The following ROBO2 variants were observed in gnomAD, a reference collection of about 807,000 sequenced individuals.
ROBO2 encodes the protein roundabout homolog 2.
In ROBO2, 53 loss-of-function variants were observed where a neutral mutation model predicts 160.8. The observed-to-expected ratio is 0.33, with a 90% CI of 0.26 to 0.41. The LOEUF (loss-of-function observed/expected upper bound fraction) is 0.41, where lower values mean the gene tolerates loss of function less well. Among genes scored for constraint, ROBO2 ranks in the 10% least tolerant of loss-of-function variants. ROBO2 has a pLI of 1.00. For synonymous variants in ROBO2, 664 were observed against 611.7 expected (o/e 1.09, Z -1.26); for missense variants, 1,577 against 1,722.4 (o/e 0.92, Z 1.49).
chr3:76,995,705 T>C (rs1358219153), intron 2 of ROBO2, among the ~76,000 whole-genome samples: 2 of 152,226 alleles, frequency 1.3e-5, no homozygotes, highest in Non-Finnish European at 2.9e-5. Context: ...TGGCCAGTGA[T>C]GATGAGCATT....
chr3:76,557,838 A>T (rs1037244077), intron 2 of ROBO2, among the ~76,000 whole-genome samples: 5 of 151,380 alleles, frequency 3.3e-5, no homozygotes, highest in African/African-American at 1.2e-4. Flanking sequence ...TTATTATATC[A>T]TGTGCCTTCC....
chr3:76,580,344 T>G lies in ROBO2; in HGVS notation c.110-517670T>G, dbSNP rs1560183383. Among the ~76,000 whole-genome samples, 29 of 6,570 alleles carry G rather than the reference T, an allele frequency of 4.4e-3. 2 individuals are homozygous for G. Among genetic ancestry groups the G allele is most frequent in the Middle Eastern group, 0.12 (1 of 8 alleles). 4.3% of individuals were successfully genotyped at this position (6,570 alleles called of 152,430 possible). On this transcript the variant is annotated intron_variant, in intron 2 of 26. Transcript: ENST00000487694. ...TTTTTTTTTGTTTTTTTTTTTGTGT[T>G]TTTTTTTTTGTTTTTTTTTTTGGTT...
intron 2 of ROBO2, among the ~76,000 whole-genome samples, chr3:76,217,078 T>G (rs1703590457): frequency 6.6e-6 from 1 of 151,960 alleles, no homozygotes; most frequent in African/African-American, 2.4e-5. Flanking sequence ...CATAACGAAA[T>G]GAAGGCAGAA....
intron 2 of ROBO2, among the ~76,000 whole-genome samples, chr3:76,192,005 A>G (rs1702027568): frequency 6.6e-6 from 1 of 152,104 alleles, no homozygotes; most frequent in African/African-American, 2.4e-5. Context: ...ATTGGACTAT[A>G]GATTGCAATC....
At chr3:77,098,212 G>A (rs761980032) in exon 2 of ROBO2, 2 of 1,614,194 alleles carry the variant, frequency 1.2e-6, no homozygotes, top group Non-Finnish European at 1.7e-6. Context: ...CTTCTGCCCA[G>A]CGGATCCTTA....
intron 2 of ROBO2, among the ~76,000 whole-genome samples, chr3:76,693,428 GATACACACTCTATATATGTGTATATAT>G (rs2092855185): frequency 6.8e-6 from 1 of 146,264 alleles, no homozygotes; most frequent in Admixed American, 6.8e-5. Flanking sequence ...ACTACATATA[GATACACACTCTATATATGTGTATATAT>G]ATACACATAT....
intron 1 of ROBO2, among the ~76,000 whole-genome samples, chr3:75,925,117 G>T (rs906927351): frequency 4.6e-5 from 7 of 152,090 alleles, no homozygotes; most frequent in East Asian, 1.9e-4. Context: ...GGCCGGCTGG[G>T]CACGATGGCT....
chr3:77,112,677 A>T (rs572411106), intron 2 of ROBO2, among the ~76,000 whole-genome samples: 1 of 152,276 alleles, frequency 6.6e-6, no homozygotes, highest in African/African-American at 2.4e-5. Flanking sequence ...TATTCTCCCA[A>T]AGAGAGAATA....
chr3:77,610,653 A>C (rs1355387081), intron 21 of ROBO2, among the ~76,000 whole-genome samples: 2 of 151,072 alleles, frequency 1.3e-5, no homozygotes, highest in Non-Finnish European at 2.9e-5. Context: ...CTAGCATTAG[A>C]ATAGATTGTT....
chr3:77,164,540 G>A (rs543422745), intron 2 of ROBO2, among the ~76,000 whole-genome samples: 1 of 134,310 alleles, frequency 7.4e-6, no homozygotes, highest in Admixed American at 7.3e-5. Context: ...GAGGTGGGGG[G>A]GTCAGACCCC....
At chr3:76,366,889 AT>A (rs1302959533) in intron 2 of ROBO2, among the ~76,000 whole-genome samples, 1 of 151,944 alleles carries the variant, frequency 6.6e-6, no homozygotes, top group African/African-American at 2.4e-5. Flanking sequence ...GCATTTTTTC[AT>A]TGCATTCCAA....
At chr3:76,447,715 T>A (rs1012495331) in intron 2 of ROBO2, among the ~76,000 whole-genome samples, 11 of 151,542 alleles carry the variant, frequency 7.3e-5, no homozygotes, top group African/African-American at 2.4e-4. Context: ...TGCAGCCGTA[T>A]AAAATGATGA....
chr3:77,145,988 C>T (rs1370599455), intron 2 of ROBO2, among the ~76,000 whole-genome samples: 1 of 152,120 alleles, frequency 6.6e-6, no homozygotes, highest in Admixed American at 6.6e-5. Flanking sequence ...ACAGCCACTG[C>T]TCAAGTCATC....
At chr3:76,201,070 C>T (rs1243463901) in intron 2 of ROBO2, among the ~76,000 whole-genome samples, 1 of 152,068 alleles carries the variant, frequency 6.6e-6, no homozygotes, top group Non-Finnish European at 1.5e-5. Flanking sequence ...AAAAAGAAAA[C>T]AGCACAAAGA....
chr3:76,725,201 CTT>C (rs1289938241), intron 2 of ROBO2, among the ~76,000 whole-genome samples: 4 of 151,904 alleles, frequency 2.6e-5, no homozygotes, highest in African/African-American at 7.2e-5. Flanking sequence ...ATTTTCTACT[CTT>C]TTTTAAGTAA....
intron 2 of ROBO2, among the ~76,000 whole-genome samples, chr3:77,012,108 G>A (rs1312678917): frequency 1.3e-5 from 2 of 152,048 alleles, no homozygotes; most frequent in Non-Finnish European, 2.9e-5. Context: ...TCCACTAGAA[G>A]ACCTTGGTCA....
intron 2 of ROBO2, among the ~76,000 whole-genome samples, chr3:77,011,819 C>A (rs2061940397): frequency 6.6e-6 from 1 of 151,988 alleles, no homozygotes; most frequent in East Asian, 1.9e-4. Context: ...CTGGTGAGAC[C>A]TTTATTTTGA....
intron 2 of ROBO2, among the ~76,000 whole-genome samples, chr3:77,390,499 T>A (rs935148455): frequency 3.9e-5 from 6 of 151,974 alleles, no homozygotes; most frequent in African/African-American, 1.5e-4. Flanking sequence ...TAGAGGGAAG[T>A]TTCCCTACAT....
At chr3:76,207,308 T>C (rs1444548247) in intron 2 of ROBO2, among the ~76,000 whole-genome samples, 1 of 152,162 alleles carries the variant, frequency 6.6e-6, no homozygotes, top group Non-Finnish European at 1.5e-5. Context: ...GTTAAATATA[T>C]TCTTAAAACA....
Sources: allele counts gnomAD v4.1 joint callset (sites outside exome capture counted in the v4.1 genomes callset), GRCh38; gene constraint gnomAD v4.1.1; transcripts MANE v1.5; gene names NCBI Gene and HGNC (gene_info 2026-07-23, HGNC 2026-07-21).